KTN1: variants seen among roughly 807,000 people sequenced by gnomAD.
KTN1 encodes kinectin.
KTN1 carries 130 observed loss-of-function variants against 222.5 expected under a neutral mutation model. That is an observed-to-expected ratio of 0.58 (90% CI 0.51 to 0.68). The LOEUF is 0.68. KTN1 is among the 30% of genes least tolerant of loss of function. KTN1 has a pLI of 0.00. For synonymous variants in KTN1, 512 were observed against 496.3 expected, an observed-to-expected ratio of 1.03 and a Z score of -0.42; for missense variants, 1,508 against 1,500.4, an observed-to-expected ratio of 1.01 and a Z score of -0.08.
intron 1 of KTN1, among the ~76,000 whole-genome samples, chr14:55,592,315 C>A (rs2034287647): frequency 6.6e-6 from 1 of 152,160 alleles, no homozygotes; most frequent in Non-Finnish European, 1.5e-5. Flanking sequence ...CCACTGCTTA[C>A]CATTTCAGTT....
At chr14:55,671,349 A>G in intron 35 of KTN1, 1 of 524,630 alleles carries the variant, frequency 1.9e-6, no homozygotes, top group South Asian at 2.9e-5. Context: ...TAAAGACTTT[A>G]GTACCAAGAC....
chr14:55,652,537 T>A (rs1005723162), intron 25 of KTN1, among the ~76,000 whole-genome samples: 6 of 151,948 alleles, frequency 3.9e-5, no homozygotes, highest in Non-Finnish European at 8.8e-5. Flanking sequence ...TAGCTGGGAC[T>A]ACAGGCGCGT....
At chr14:55,589,660 T>TC (rs2033729616) in intron 1 of KTN1, among the ~76,000 whole-genome samples, 2 of 139,732 alleles carry the variant, frequency 1.4e-5, no homozygotes, top group Non-Finnish European at 3.1e-5. Context: ...TGATTTCTTT[T>TC]TTTTTTTTTT....
At chr14:55,672,608 A>G (rs2045546377) in intron 37 of KTN1, 22 bp from the exon 38 acceptor site, 2 of 1,515,602 alleles carry the variant, frequency 1.3e-6, no homozygotes, top group Non-Finnish European at 1.8e-6. Flanking sequence ...TTACTTGGCC[A>G]TGTAATTGTT....
In KTN1 at chr14:55,634,662, A is replaced by G. The variant is rs747997693; in HGVS notation, c.1461+4A>G. 8 of 1,607,750 alleles carry G rather than the reference A, an allele frequency of 5.0e-6. No homozygotes were observed. In the South Asian group the frequency reaches 7.8e-5, roughly 16 times the overall value. Reference sequence around the variant, plus strand: ...GCAAGCAGCTACTCAGTTGAAGGTGATATATTCTCACCTTTATTTGTCATT... The same window carrying G: ...GCAAGCAGCTACTCAGTTGAAGGTGGTATATTCTCACCTTTATTTGTCATT... On this transcript the variant is annotated splice_donor_region_variant and intron_variant, in intron 9 of 43. Coordinates refer to ENST00000395314, the MANE Select transcript of KTN1 (RefSeq NM_001079521.2).
Position 55,616,395 on chromosome 14 carries a change from C to T in KTN1, c.524-122C>T, listed in dbSNP as rs572152451. 1.3e-4 allele frequency: 98 copies of T among 771,464 alleles called. No homozygotes were observed. In the East Asian group the frequency reaches 2.1e-3, roughly 17 times the overall value. The allele number at this position is 771,464 out of a possible 1,614,324, so 47.8% of individuals were successfully genotyped here. ...AGCTAGAAAAAGTTATTGGTGAGAG[C>T]GTTATATGTCAGACTTTAAATTTTT... On this transcript the variant is annotated intron_variant, in intron 2 of 43. Transcript: ENST00000395314.
chr14:55,627,926 A>C lies in KTN1; in HGVS notation c.978A>C (p.Glu326Asp). The C allele has an allele frequency of 6.2e-7, 1 of 1,604,718 alleles. No individual in the cohort carries two copies. The highest frequency in any genetic ancestry group is 8.5e-7 in the Non-Finnish European group (1 of 1,171,796). Residue 326 changes from glutamate to aspartate, a missense_variant, in exon 6 of 44, where the codon GAA becomes GAC. Physicochemically the swap from Glu to Asp is conservative, Grantham distance 45. Transcript: ENST00000395314. ...CTCAATTGCAGTCAAGTAAGGGAGA[A>C]TTGACTACGCTTATACATCAGCTTC... ...QDALKKSSKG[E>D]LTTLIHQLQE...
chr14:55,641,800 A>G (rs750869045), intron 18 of KTN1, 40 bp downstream of exon 18: 6 of 1,236,822 alleles, frequency 4.9e-6, no homozygotes, highest in Admixed American at 1.8e-5. Context: ...AATACTTGTT[A>G]TATAACAAGA....
At chr14:55,636,573 A>G in intron 10 of KTN1, 37 bp downstream of exon 10, 1 of 1,501,546 alleles carries the variant, frequency 6.7e-7, no homozygotes, top group Non-Finnish European at 9.1e-7. Context: ...CTTTGTATAT[A>G]ATTTTGGGTA....
intron 22 of KTN1, 121 bp downstream of exon 22, chr14:55,649,934 CTA>C: frequency 1.9e-6 from 1 of 529,486 alleles, no homozygotes; most frequent in Non-Finnish European, 3.2e-6. Context: ...AACTTTCACT[CTA>C]TAATTTTTCT....
Position 55,656,149 on chromosome 14 carries a change from A to C in KTN1, c.2892+17A>C. 1 of 1,484,566 alleles carries C rather than the reference A, an allele frequency of 6.7e-7. No homozygotes were observed. Among genetic ancestry groups the C allele is most frequent in the Admixed American group, 1.9e-5 (1 of 52,132 alleles). The allele number at this position is 1,484,566 out of a possible 1,614,324, so 92.0% of individuals were successfully genotyped here. On this transcript the variant is annotated intron_variant, in intron 29 of 43. Coordinates refer to ENST00000395314, the MANE Select transcript of KTN1 (RefSeq NM_001079521.2). ...CTGTTACAGGTGAATATGGTGACTT[A>C]AAATTAATTATTTTGTAAATTATTG...
chr14:55,609,015 C>T (rs1324825568), intron 1 of KTN1, among the ~76,000 whole-genome samples: 1 of 151,048 alleles, frequency 6.6e-6, no homozygotes, highest in Non-Finnish European at 1.5e-5. Context: ...GGAATGCAAA[C>T]ATTTTCTTCT....
intron 9 of KTN1, among the ~76,000 whole-genome samples, chr14:55,635,797 T>G (rs999762277): frequency 2.0e-5 from 3 of 152,216 alleles, no homozygotes; most frequent in African/African-American, 7.2e-5. Context: ...TTGATAGAAT[T>G]GTACTTTGAT....
intron 1 of KTN1, among the ~76,000 whole-genome samples, chr14:55,590,670 C>T (rs1042111553): frequency 6.6e-6 from 1 of 151,144 alleles, no homozygotes; most frequent in Non-Finnish European, 1.5e-5. Context: ...ACCTTGTTAT[C>T]AGGATATTCT....
chr14:55,681,011 A>ATC (rs1370171561), intron 43 of KTN1: 1 of 261,896 alleles, frequency 3.8e-6, no homozygotes, highest in Non-Finnish European at 7.6e-6. Flanking sequence ...ACATGCTCAG[A>ATC]TGGCTTATTT....
intron 7 of KTN1, among the ~76,000 whole-genome samples, chr14:55,631,112 C>T (rs79956206): frequency 9.2e-4 from 117 of 127,396 alleles, no homozygotes; most frequent in Non-Finnish European, 1.8e-3. Flanking sequence ...TTTTTTTTTT[C>T]TTATTTTTGA....
At chr14:55,587,461 C>A (rs1028002248) in intron 1 of KTN1, among the ~76,000 whole-genome samples, 1 of 152,100 alleles carries the variant, frequency 6.6e-6, no homozygotes, top group African/African-American at 2.4e-5. Context: ...GATCTAATTA[C>A]CTTTTGAAAT....
At chr14:55,632,168 C>G (rs2040605393) in intron 7 of KTN1, among the ~76,000 whole-genome samples, 1 of 152,142 alleles carries the variant, frequency 6.6e-6, no homozygotes, top group Non-Finnish European at 1.5e-5. Context: ...TTTTCCTAGC[C>G]TCAAGTGATC....
intron 8 of KTN1, among the ~76,000 whole-genome samples, chr14:55,633,947 T>A (rs1451794520): frequency 6.6e-6 from 1 of 152,126 alleles, no homozygotes; most frequent in Non-Finnish European, 1.5e-5. Context: ...GAGACCAGCC[T>A]GGCCAACGTG....
Sources: gnomAD v4.1 joint callset for allele counts (sites outside exome capture counted in the v4.1 genomes callset) on GRCh38, gnomAD v4.1.1 for gene constraint, MANE v1.5 for transcripts, NCBI Gene and HGNC (gene_info 2026-07-23, HGNC 2026-07-21) for gene names.